Variants in BSN observed in about 807,000 individuals in gnomAD.
The protein encoded by BSN is bassoon presynaptic cytomatrix protein.
A neutral mutation model predicts 264.8 loss-of-function variants in BSN; 57 were observed. The ratio of observed to expected loss-of-function variants is 0.22; its 90% confidence interval spans 0.17 to 0.27. The LOEUF is 0.27. BSN is among the 10% of genes least tolerant of loss of function. The probability of loss-of-function intolerance (pLI) is 1.00; values close to 1 mark genes in which losing one functional copy is unlikely to be tolerated. For synonymous variants in BSN, 2,059 were observed against 2,137.3 expected (o/e 0.96, Z 1.01); for missense variants, 4,615 against 5,232.5 (o/e 0.88, Z 3.64).
At chr3:49,599,082 A>G (rs1224659487) in intron 1 of BSN, among the ~76,000 whole-genome samples, 2 of 152,040 alleles carry the variant, frequency 1.3e-5, no homozygotes, top group Non-Finnish European at 2.9e-5. Context: ...GGATGTGTGT[A>G]ATTTTGCTTT....
At position 49,653,383 on chromosome 3, in the gene BSN, G is replaced by A. The variant is rs752709731; in HGVS notation, c.3827G>A (p.Arg1276Gln). The A allele has an allele frequency of 6.8e-6, 11 of 1,613,620 alleles. No homozygotes were observed. The highest frequency in any genetic ancestry group is 1.3e-5 in the African/African-American group (1 of 74,904). ...GTCCGCATGCGGCAGGCCTCCTCAC[G>A]AGACCTGGCTTTTGCTGAGGACAAA... ...SIVRMRQASS[R>Q]DLAFAEDKKK... is the part of the protein sequence containing the mutation. The change falls in exon 5 of 12, where the codon CGA (arginine) becomes CAA (glutamine). Residue 1276 changes from arginine to glutamine, a missense_variant. Physicochemically the swap from Arg to Gln is conservative, Grantham distance 43. Around this residue, in one of 3 missense-constraint regions of BSN, gnomAD observed 3,415 missense variants for 3,866.4 expected, o/e 0.88. Transcript: ENST00000296452. The surrounding 1 kb of genome is among the most constrained non-coding windows in gnomAD (Gnocchi z 6.3).
chr3:49,659,980 T>G (rs949284919), intron 5 of BSN, among the ~76,000 whole-genome samples: 1 of 152,042 alleles, frequency 6.6e-6, no homozygotes. Flanking sequence ...ACGATTGGCA[T>G]ACAATCTACA....
At chr3:49,598,425 T>TCA (rs2108030327) in intron 1 of BSN, among the ~76,000 whole-genome samples, 1 of 152,350 alleles carries the variant, frequency 6.6e-6, no homozygotes, top group Non-Finnish European at 1.5e-5. Flanking sequence ...TAATTTTTTA[T>TCA]CCTAGGGGTC....
intron 2 of BSN, among the ~76,000 whole-genome samples, chr3:49,633,986 C>T (rs966898607): frequency 5.9e-5 from 9 of 151,760 alleles, no homozygotes; most frequent in African/African-American, 2.4e-5. Flanking sequence ...GCAGGCGGAT[C>T]ACAAGGTCAG....
intron 3 of BSN, among the ~76,000 whole-genome samples, chr3:49,648,119 C>T (rs1006274776): frequency 6.6e-6 from 1 of 152,260 alleles, no homozygotes; most frequent in African/African-American, 2.4e-5. Flanking sequence ...CCTCTGGGCT[C>T]AGGCAAGCTG....
At position 49,655,114 on chromosome 3, in the gene BSN, C is replaced by T; in HGVS notation, c.5558C>T (p.Ala1853Val). The T allele has an allele frequency of 1.2e-6, 2 of 1,612,578 alleles. No homozygotes were observed. The highest frequency in any genetic ancestry group is 1.7e-6 in the Non-Finnish European group (2 of 1,179,798). The change falls in exon 5 of 12, where the codon GCT becomes GTT. Residue 1853 changes from alanine (A) to valine (V), a missense_variant. By Grantham distance (64) the Ala-to-Val change is moderately conservative. Transcript: ENST00000296452. Reference protein sequence around the residue: ...RATPAELRSHALPGARKPHTV... With the variant: ...RATPAELRSHVLPGARKPHTV... ...ACCCCTGCAGAGCTGCGGTCACATG[C>T]TCTGCCAGGTGCCAGGAAGCCACAC...
chr3:49,610,787 T>G lies in BSN; in HGVS notation c.225-14188T>G, dbSNP rs142880966. On this transcript the variant is annotated intron_variant, in intron 1 of 11. Coordinates refer to ENST00000296452, the MANE Select transcript of BSN (RefSeq NM_003458.4). ...TCCCTGGAAGTCTCAAACAGGAGGC[T>G]CTGGGATGCCTCATACACTGGGATG... Among the ~76,000 whole-genome samples the G allele has an allele frequency of 2.0e-3, 302 of 152,210 alleles. 4 individuals are homozygous for G. The highest frequency in any genetic ancestry group is 6.6e-3 in the African/African-American group (274 of 41,540).
intron 6 of BSN, 105 bp from the exon 7 acceptor site, chr3:49,662,771 T>G: frequency 6.9e-7 from 1 of 1,448,128 alleles, no homozygotes; most frequent in South Asian, 1.4e-5. Flanking sequence ...CTGATCTGCT[T>G]GTGGCTGTGG....
In BSN at chr3:49,663,197, G is replaced by C. The variant is rs144241709; in HGVS notation, c.11039G>C (p.Arg3680Pro). 1 of 1,613,884 alleles carries C rather than the reference G, an allele frequency of 6.2e-7. No individual in the cohort carries two copies. Reference protein sequence around the residue: ...HARDLGRHEARPHSQPSSAPA... With the variant: ...HARDLGRHEAPPHSQPSSAPA... Reference sequence around the variant, plus strand: ...CGGGACCTGGGTCGCCATGAGGCCCGGCCCCACTCTCAGCCCAGCTCTGCT... The same window carrying C: ...CGGGACCTGGGTCGCCATGAGGCCCCGCCCCACTCTCAGCCCAGCTCTGCT... Residue 3680 changes from arginine (R) to proline (P), a missense_variant, in exon 7 of 12, where the codon CGG (arginine) becomes CCG (proline). Around this residue, in one of 3 missense-constraint regions of BSN, gnomAD observed 3,415 missense variants for 3,866.4 expected, o/e 0.88. Transcript: ENST00000296452.
chr3:49,563,479 G>T (rs921119923), intron 1 of BSN, among the ~76,000 whole-genome samples: 1 of 152,236 alleles, frequency 6.6e-6, no homozygotes, highest in Non-Finnish European at 1.5e-5. Flanking sequence ...TGATGGGGAA[G>T]GGTGGGGCAT....
At chr3:49,582,541 C>T (rs1415124365) in intron 1 of BSN, among the ~76,000 whole-genome samples, 1 of 152,144 alleles carries the variant, frequency 6.6e-6, no homozygotes, top group Non-Finnish European at 1.5e-5. Context: ...TTTTTTGTGG[C>T]CTGTTTAGGG....
chr3:49,591,961 A>G (rs2051980858), intron 1 of BSN, among the ~76,000 whole-genome samples: 1 of 152,214 alleles, frequency 6.6e-6, no homozygotes, highest in Admixed American at 6.5e-5. Context: ...GTTGAGAGCC[A>G]AAGACAGAGT....
chr3:49,627,281 C>T (rs1321632219), intron 2 of BSN, among the ~76,000 whole-genome samples: 1 of 152,172 alleles, frequency 6.6e-6, no homozygotes, highest in Non-Finnish European at 1.5e-5. Context: ...AGCTGCTGTT[C>T]CATGGCACCC....
At chr3:49,563,975 G>A (rs752862343) in intron 1 of BSN, among the ~76,000 whole-genome samples, 1 of 152,118 alleles carries the variant, frequency 6.6e-6, no homozygotes, top group Non-Finnish European at 1.5e-5. Context: ...TTTAGCAGGC[G>A]CTCACTGTAC....
At chr3:49,663,991 A>C in intron 8 of BSN, 105 bp downstream of exon 8, 1 of 1,106,446 alleles carries the variant, frequency 9.0e-7, no homozygotes, top group Non-Finnish European at 1.3e-6. Flanking sequence ...TGCCCTCACT[A>C]ATCCCTGAGA....
chr3:49,603,066 T>C (rs2052084477), intron 1 of BSN, among the ~76,000 whole-genome samples: 3 of 152,226 alleles, frequency 2.0e-5, no homozygotes, highest in Admixed American at 6.5e-5. Flanking sequence ...CATACCTGCC[T>C]CTCACTGGGC....
Position 49,656,214 on chromosome 3 carries a change from G to T in BSN, c.6658G>T (p.Val2220Leu), listed in dbSNP as rs753536169. 6.2e-7 allele frequency: 1 copy of T among 1,610,626 alleles called. No homozygotes were observed. Among genetic ancestry groups the T allele is most frequent in the Non-Finnish European group, 8.5e-7 (1 of 1,178,398 alleles). The change falls in exon 5 of 12, where the codon GTG becomes TTG. Residue 2220 changes from valine (V) to leucine (L), a missense_variant. This residue lies in a region of BSN where 3,415 missense variants were observed against 3,866.4 expected (regional missense o/e 0.88). Coordinates refer to ENST00000296452, the MANE Select transcript of BSN (RefSeq NM_003458.4). ...GCCTGCCTCAGTCCTGCGGCCCATG[G>T]TGCGTGGTGGCATGTACAGGCCTTA... ...TQPASVLRPM[V>L]RGGMYRPYAS...
intron 11 of BSN, among the ~76,000 whole-genome samples, chr3:49,665,825 G>T (rs2052709298): frequency 6.6e-6 from 1 of 152,274 alleles, no homozygotes; most frequent in Admixed American, 6.5e-5. Context: ...AGGCAGACAG[G>T]AAGGGACATA....
chr3:49,663,929 C>A, intron 8 of BSN, 43 bp downstream of exon 8: 20 of 1,577,158 alleles, frequency 1.3e-5, no homozygotes, highest in Non-Finnish European at 1.5e-5. Context: ...CCCAGAGCAC[C>A]CAGGCTGTTC....
Sources: allele counts gnomAD v4.1 joint callset (sites outside exome capture counted in the v4.1 genomes callset), GRCh38; gene constraint gnomAD v4.1.1; regional missense constraint gnomAD v4.1.1; non-coding constraint Gnocchi (gnomAD v3.1); transcripts MANE v1.5; gene names NCBI Gene and HGNC (gene_info 2026-07-23, HGNC 2026-07-21).